The following DLGAP1 variants were observed in gnomAD, a reference collection of about 807,000 sequenced individuals.
The protein encoded by DLGAP1 is DLG associated protein 1, also known as disks large-associated protein 1.
A neutral mutation model predicts 90.8 loss-of-function variants in DLGAP1; 11 were observed. The ratio of observed to expected loss-of-function variants is 0.12; its 90% CI spans 0.08 to 0.20. The LOEUF is 0.20. Ranked by LOEUF, DLGAP1 falls within the 10% of genes least tolerant of loss-of-function variation. The pLI, the probability that DLGAP1 is intolerant of heterozygous loss-of-function variation, is 1.00. For synonymous variants in DLGAP1, 558 were observed against 540.7 expected, an observed-to-expected ratio of 1.03 and a Z score of -0.44; for missense variants, 1,050 against 1,333.8, an observed-to-expected ratio of 0.79 and a Z score of 3.31.
chr18:3,499,106 G>C lies in DLGAP1; in HGVS notation c.*79C>G, dbSNP rs1052175100. ...AGCTCGGGAGCGGACGGGCTCGGAGGGGGAGAGGCAGCCGGCAGAGGAGCG... is the reference window on the plus strand; with the variant it reads ...AGCTCGGGAGCGGACGGGCTCGGAGCGGGAGAGGCAGCCGGCAGAGGAGCG... On this transcript the variant is annotated 3_prime_UTR_variant, in exon 13 of 13. Coordinates refer to ENST00000315677, the MANE Select transcript of DLGAP1 (RefSeq NM_004746.4). The surrounding 1 kb of genome is among the most constrained non-coding windows in gnomAD (Gnocchi z 6.4). 45 of 1,317,926 alleles carry C rather than the reference G, an allele frequency of 3.4e-5. No homozygotes were observed. In the African/African-American group the frequency reaches 3.7e-4, roughly 11 times the overall value. 81.6% of individuals were successfully genotyped at this position (1,317,926 alleles called of 1,614,324 possible). A position where few individuals can be genotyped will look rare whatever the true frequency, so the allele number is the denominator to read the frequency against.
intron 7 of DLGAP1, among the ~76,000 whole-genome samples, chr18:3,649,753 G>T (rs890173975): frequency 6.6e-6 from 1 of 151,918 alleles, no homozygotes; most frequent in Non-Finnish European, 1.5e-5. Flanking sequence ...AGTTGGAAAA[G>T]AGGAGGAGGG....
intron 1 of DLGAP1, among the ~76,000 whole-genome samples, chr18:4,272,685 T>C (rs956624267): frequency 6.6e-6 from 1 of 152,212 alleles, no homozygotes; most frequent in Admixed American, 6.5e-5. Context: ...GGATTTCCTA[T>C]TGCCCTAACT....
At chr18:3,864,377 A>T (rs1333533412) in intron 4 of DLGAP1, among the ~76,000 whole-genome samples, 3 of 152,220 alleles carry the variant, frequency 2.0e-5, no homozygotes, top group Non-Finnish European at 2.9e-5. Flanking sequence ...AGTCCCTGTT[A>T]AGTGAATAAT....
chr18:3,708,396 T>G (rs1018842615), intron 7 of DLGAP1: 12 of 456,070 alleles, frequency 2.6e-5, no homozygotes, highest in Non-Finnish European at 4.4e-5. Flanking sequence ...CAAGTTGAAG[T>G]TCATATGGGG....
chr18:3,729,168 T>C lies in DLGAP1; in HGVS notation c.1558A>G (p.Thr520Ala). The C allele has an allele frequency of 1.2e-6, 2 of 1,613,092 alleles. No individual in the cohort carries two copies. Among genetic ancestry groups the C allele is most frequent in the South Asian group, 2.2e-5 (2 of 90,930 alleles). ...CTCTGGATGGTCCTAACGGTGGTGG[T>C]GGTGCGCGGCGGCGAGGACGACCTC... is the stretch of plus-strand genomic sequence containing the variant. ...SLRSSSPPRT[T>A]TTVRTIQSST... The change falls in exon 7 of 13, where the codon ACC becomes GCC. Residue 520 changes from threonine to alanine, a missense_variant. Physicochemically the swap from Thr to Ala is moderately conservative, Grantham distance 58. Coordinates refer to ENST00000315677, the MANE Select transcript of DLGAP1 (RefSeq NM_004746.4). This position sits in a 1 kb window ranked among gnomAD's most constrained non-coding sequence, Gnocchi z 6.2.
At chr18:4,197,736 G>C (rs2077527658) in intron 1 of DLGAP1, among the ~76,000 whole-genome samples, 1 of 152,112 alleles carries the variant, frequency 6.6e-6, no homozygotes, top group Admixed American at 6.5e-5. Context: ...TTCCAAAAGA[G>C]GTTAGGATGC....
At chr18:4,436,697 TAATTAACTTCAAATAG>T (rs978096518) in intron 1 of DLGAP1, among the ~76,000 whole-genome samples, 2 of 152,196 alleles carry the variant, frequency 1.3e-5, no homozygotes, top group African/African-American at 2.4e-5. Context: ...AACTTCAAAT[TAATTAACTTCAAATAG>T]AATTGAAGTT....
intron 1 of DLGAP1, among the ~76,000 whole-genome samples, chr18:4,282,897 C>T (rs557536832): frequency 5.9e-4 from 90 of 152,148 alleles, no homozygotes; most frequent in Non-Finnish European, 1.1e-3. Flanking sequence ...AATAAACTGT[C>T]TGGACTGTTT....
intron 7 of DLGAP1, among the ~76,000 whole-genome samples, chr18:3,592,647 T>A (rs963138156): frequency 6.6e-6 from 1 of 151,566 alleles, no homozygotes; most frequent in African/African-American, 2.4e-5. Context: ...GAGACCAGCC[T>A]GGGCAACAGA....
rs138114685 is a variant in DLGAP1 at position 3,556,421 on chromosome 18, A to G, written c.2057+11069T>C. ...CCCCAGACATCCTCAGCCTATTCATACCTCCTTCCTCCTAACCCCTGGCAA... is the reference window on the plus strand; with the variant it reads ...CCCCAGACATCCTCAGCCTATTCATGCCTCCTTCCTCCTAACCCCTGGCAA... On this transcript the variant is annotated intron_variant, in intron 9 of 12. Coordinates refer to ENST00000315677, the MANE Select transcript of DLGAP1 (RefSeq NM_004746.4). Among the ~76,000 whole-genome samples the G allele has an allele frequency of 7.7e-3, 1,167 of 151,998 alleles. 16 individuals are homozygous for G. The highest frequency in any genetic ancestry group is 0.027 in the African/African-American group (1,099 of 41,450).
intron 4 of DLGAP1, among the ~76,000 whole-genome samples, chr18:3,877,251 C>A (rs1229899744): frequency 6.6e-6 from 1 of 152,032 alleles, no homozygotes; most frequent in African/African-American, 2.4e-5. Context: ...TTCACCACTA[C>A]CTGAGATCGC....
At chr18:3,518,810 T>C (rs2050997590) in intron 10 of DLGAP1, among the ~76,000 whole-genome samples, 1 of 152,220 alleles carries the variant, frequency 6.6e-6, no homozygotes, top group Non-Finnish European at 1.5e-5. Context: ...CTTTAGTTCT[T>C]GGGCATTTAC....
chr18:3,905,440 G>C (rs2071884667), intron 3 of DLGAP1, among the ~76,000 whole-genome samples: 1 of 122,782 alleles, frequency 8.1e-6, no homozygotes, highest in African/African-American at 3.0e-5. Context: ...AAAGTATAAA[G>C]AGAATTGGGA....
chr18:4,275,729 T>TAAAATTTTAAAAAAA (rs2079397257), intron 1 of DLGAP1, among the ~76,000 whole-genome samples: 1 of 152,184 alleles, frequency 6.6e-6, no homozygotes, highest in African/African-American at 2.4e-5. Flanking sequence ...GACGATGTGT[T>TAAAATTTTAAAAAAA]AAAATTTATG....
chr18:3,903,737 G>C (rs931203475), intron 3 of DLGAP1, among the ~76,000 whole-genome samples: 1 of 152,152 alleles, frequency 6.6e-6, no homozygotes, highest in African/African-American at 2.4e-5. Context: ...TTCCTTTCAG[G>C]GGGAAGTGAT....
intron 1 of DLGAP1, among the ~76,000 whole-genome samples, chr18:4,288,832 A>G (rs2079772679): frequency 6.6e-6 from 1 of 151,992 alleles, no homozygotes; most frequent in African/African-American, 2.4e-5. Flanking sequence ...TGTAATTGGG[A>G]TTTGATTCGC....
intron 1 of DLGAP1, among the ~76,000 whole-genome samples, chr18:4,429,846 T>C (rs939169202): frequency 5.3e-5 from 8 of 152,306 alleles, no homozygotes; most frequent in Admixed American, 5.2e-4. Flanking sequence ...AATTGTGGAA[T>C]AGTCATAAAC....
intron 1 of DLGAP1, among the ~76,000 whole-genome samples, chr18:4,284,187 A>G (rs1408440190): frequency 2.1e-5 from 3 of 143,070 alleles, no homozygotes; most frequent in Non-Finnish European, 4.6e-5. Context: ...CAACACTGCT[A>G]AACTCTGCCT....
chr18:3,500,738 T>C (rs1002495485), intron 12 of DLGAP1, among the ~76,000 whole-genome samples: 1 of 152,246 alleles, frequency 6.6e-6, no homozygotes, highest in Non-Finnish European at 1.5e-5. Context: ...AGCTAACTAA[T>C]GATTTACTAT....
Sources: gnomAD v4.1 joint callset for allele counts (sites outside exome capture counted in the v4.1 genomes callset) on GRCh38, gnomAD v4.1.1 for gene constraint, Gnocchi (gnomAD v3.1) non-coding constraint, MANE v1.5 for transcripts, NCBI Gene and HGNC (gene_info 2026-07-23, HGNC 2026-07-21) for gene names.